The following DAB1 variants were observed in gnomAD, a reference collection of about 807,000 sequenced individuals.
The protein encoded by DAB1 is disabled homolog 1.
In DAB1, 15 loss-of-function variants were observed where a neutral mutation model predicts 64.6. The observed-to-expected ratio is 0.23, with a 90% CI of 0.16 to 0.36. The LOEUF (loss-of-function observed/expected upper bound fraction) is 0.36, where lower values mean the gene tolerates loss of function less well. DAB1 is among the 10% of genes least tolerant of loss of function. DAB1 has a pLI of 1.00. For synonymous variants in DAB1, 235 were observed against 251.9 expected (o/e 0.93, Z 0.64); for missense variants, 596 against 706.7 (o/e 0.84, Z 1.78).
intron 14 of DAB1, among the ~76,000 whole-genome samples, chr1:57,007,149 T>A (rs1288746825): frequency 6.6e-6 from 1 of 152,174 alleles, no homozygotes; most frequent in Non-Finnish European, 1.5e-5. Context: ...ATGTCTTGCA[T>A]TCCCACCACG....
chr1:57,914,667 A>C (rs904234798), intron 5 of DAB1, among the ~76,000 whole-genome samples: 1 of 152,246 alleles, frequency 6.6e-6, no homozygotes, highest in African/African-American at 2.4e-5. Flanking sequence ...TGAACAGATG[A>C]ATAACTGAAA....
chr1:58,500,333 G>A lies in DAB1; in HGVS notation n.257+5727C>T, dbSNP rs181557639. 4.1e-3 allele frequency among the ~76,000 whole-genome samples: 618 copies of A among 152,238 alleles called. 1 individual carries two copies. Among genetic ancestry groups the A allele is most frequent in the Admixed American group, 9.0e-3 (137 of 15,280 alleles). The stretch of plus-strand genomic sequence containing the variant: ...CAGACAAAATGAAATTCTGTAAGGT[G>A]AACAGTGTATGTTTGTGTACACTGG... On this transcript the variant is annotated intron_variant and non_coding_transcript_variant, in intron 3 of 20. Transcript: ENST00000485760.
chr1:57,176,439 T>C (rs192047872), intron 2 of DAB1, among the ~76,000 whole-genome samples: 7 of 152,168 alleles, frequency 4.6e-5, no homozygotes, highest in African/African-American at 1.2e-4. Flanking sequence ...GAACAGCTCA[T>C]GAAAGACCCG....
intron 3 of DAB1, among the ~76,000 whole-genome samples, chr1:58,500,049 T>G (rs1484340654): frequency 6.6e-6 from 1 of 152,152 alleles, no homozygotes; most frequent in Non-Finnish European, 1.5e-5. Flanking sequence ...GCAAGACATT[T>G]CAAGAGGGAA....
chr1:57,213,230 C>G (rs1410597216), intron 2 of DAB1, among the ~76,000 whole-genome samples: 1 of 152,158 alleles, frequency 6.6e-6, no homozygotes, highest in African/African-American at 2.4e-5. Flanking sequence ...TTTTCTTTAA[C>G]CTATCTTAAC....
At chr1:57,599,887 A>C (rs898706771) in intron 7 of DAB1, among the ~76,000 whole-genome samples, 1 of 152,100 alleles carries the variant, frequency 6.6e-6, no homozygotes, top group Non-Finnish European at 1.5e-5. Flanking sequence ...TTTGCAAAGA[A>C]ATTTCCAGCT....
At chr1:57,018,283 G>GTAGCCACATGACACT (rs1407262589) in intron 11 of DAB1, among the ~76,000 whole-genome samples, 1 of 152,194 alleles carries the variant, frequency 6.6e-6, no homozygotes, top group Non-Finnish European at 1.5e-5. Flanking sequence ...TCATGGTGGT[G>GTAGCCACATGACACT]TAGCCACATG....
chr1:57,256,334 T>A (rs1669758091), intron 2 of DAB1, among the ~76,000 whole-genome samples: 1 of 152,172 alleles, frequency 6.6e-6, no homozygotes, highest in African/African-American at 2.4e-5. Flanking sequence ...TTTATCTAAA[T>A]CCCAGAGTAA....
chr1:57,413,743 CAAAAAAAAAA>C (rs58388088), intron 1 of DAB1, among the ~76,000 whole-genome samples: 1 of 64,508 alleles, frequency 1.6e-5, no homozygotes, highest in Non-Finnish European at 3.2e-5. Context: ...GACTCTGTCT[CAAAAAAAAAA>C]AAAAAAAAAA....
intron 6 of DAB1, among the ~76,000 whole-genome samples, chr1:57,814,704 T>C (rs1385924097): frequency 6.6e-6 from 1 of 152,142 alleles, no homozygotes; most frequent in Non-Finnish European, 1.5e-5. Flanking sequence ...CAATGCAAAA[T>C]CAAGATTTGA....
chr1:58,506,785 C>T (rs914468243), intron 2 of DAB1, among the ~76,000 whole-genome samples: 1 of 152,100 alleles, frequency 6.6e-6, no homozygotes, highest in Non-Finnish European at 1.5e-5. Flanking sequence ...AAAGAGATGA[C>T]ATGTTTATTA....
chr1:57,162,291 T>A (rs1660828023), intron 2 of DAB1, among the ~76,000 whole-genome samples: 1 of 151,974 alleles, frequency 6.6e-6, no homozygotes, highest in Admixed American at 6.6e-5. Flanking sequence ...AAAGGAGGAG[T>A]GTTTGTATAA....
chr1:57,085,001 C>G (rs1652927806), intron 4 of DAB1, among the ~76,000 whole-genome samples: 1 of 152,134 alleles, frequency 6.6e-6, no homozygotes, highest in Non-Finnish European at 1.5e-5. Flanking sequence ...CCAAATCGCC[C>G]CCTTTTGTGA....
chr1:57,259,568 A>G (rs191686715), intron 2 of DAB1, among the ~76,000 whole-genome samples: 22 of 152,322 alleles, frequency 1.4e-4, no homozygotes, highest in Middle Eastern at 3.4e-3. Flanking sequence ...AGAATATTTG[A>G]GGCCCTGCTG....
chr1:57,741,950 C>T (rs761891600), intron 6 of DAB1, among the ~76,000 whole-genome samples: 3 of 152,134 alleles, frequency 2.0e-5, no homozygotes, highest in African/African-American at 2.4e-5. Flanking sequence ...TTACAGTTTT[C>T]GAGTGCTATG....
chr1:57,927,885 T>C (rs138323814), intron 5 of DAB1, among the ~76,000 whole-genome samples: 2 of 152,208 alleles, frequency 1.3e-5, no homozygotes, highest in African/African-American at 4.8e-5. Context: ...CACTCACTAC[T>C]AAATATTTTA....
chr1:57,894,804 C>A (rs1449774560), intron 5 of DAB1, among the ~76,000 whole-genome samples: 1 of 152,128 alleles, frequency 6.6e-6, no homozygotes, highest in Non-Finnish European at 1.5e-5. Flanking sequence ...AAACATGAAA[C>A]ACGAAACACC....
rs532125984 is a variant in DAB1 at position 57,917,299 on chromosome 1, C to T, written n.388-33137G>A. On this transcript the variant is annotated intron_variant and non_coding_transcript_variant, in intron 5 of 20. Transcript: ENST00000485760. ...TAGGGAGGTCTTGGCTTGAGGTGTT[C>T]CTAAAGGATCCCAGACAGCCCTGGT... Among the ~76,000 whole-genome samples the T allele has an allele frequency of 2.9e-3, 446 of 151,962 alleles. 2 individuals carry two copies. Among genetic ancestry groups the T allele is most frequent in the Non-Finnish European group, 5.5e-3 (371 of 67,944 alleles).
intron 1 of DAB1, among the ~76,000 whole-genome samples, chr1:57,849,377 T>G (rs758385612): frequency 1.3e-5 from 2 of 152,148 alleles, no homozygotes; most frequent in Non-Finnish European, 2.9e-5. Context: ...TAACTCCATA[T>G]CAAGACCCTG....
Sources: allele counts gnomAD v4.1 joint callset (sites outside exome capture counted in the v4.1 genomes callset), GRCh38; gene constraint gnomAD v4.1.1; transcripts MANE v1.5; gene names NCBI Gene and HGNC (gene_info 2026-07-23, HGNC 2026-07-21).